The following RIMS1 variants were observed in gnomAD, a reference collection of about 807,000 sequenced individuals.
The protein encoded by RIMS1 is regulating synaptic membrane exocytosis protein 1.
In RIMS1, 83 loss-of-function variants were observed where a neutral mutation model predicts 214.1. That is an observed-to-expected ratio of 0.39 (90% CI 0.32 to 0.47). The LOEUF is 0.47. RIMS1 is among the 20% of genes least tolerant of loss of function. The pLI, the probability that RIMS1 is intolerant of heterozygous loss-of-function variation, is 0.99. For synonymous variants in RIMS1, 793 were observed against 786.8 expected (o/e 1.01, Z -0.13); for missense variants, 2,050 against 2,161.8 (o/e 0.95, Z 1.03).
chr6:71,898,291 A>G (rs1772479020), intron 1 of RIMS1, among the ~76,000 whole-genome samples: 1 of 152,208 alleles, frequency 6.6e-6, no homozygotes, highest in Non-Finnish European at 1.5e-5. Context: ...ATTTAGAATT[A>G]GATCAGTAGT....
intron 2 of RIMS1, among the ~76,000 whole-genome samples, chr6:71,997,950 A>G (rs1803972563): frequency 6.6e-6 from 1 of 152,142 alleles, no homozygotes; most frequent in Non-Finnish European, 1.5e-5. Context: ...ATAAAAATGT[A>G]TAAAAATTGA....
chr6:72,146,618 G>A (rs2042791625), intron 4 of RIMS1, among the ~76,000 whole-genome samples: 1 of 152,108 alleles, frequency 6.6e-6, no homozygotes, highest in African/African-American at 2.4e-5. Flanking sequence ...TTTGAATTTA[G>A]TCAATATGTT....
intron 4 of RIMS1, among the ~76,000 whole-genome samples, chr6:72,105,575 GACT>G (rs1451428733): frequency 6.6e-6 from 1 of 151,884 alleles, no homozygotes; most frequent in African/African-American, 2.4e-5. Context: ...ATTTTATTAT[GACT>G]ACATTAGGTT....
At chr6:72,175,148 C>T (rs1482898282) in intron 4 of RIMS1, among the ~76,000 whole-genome samples, 4 of 152,158 alleles carry the variant, frequency 2.6e-5, no homozygotes, top group Non-Finnish European at 5.9e-5. Flanking sequence ...AAATGAGCAA[C>T]TGTAATTGAC....
chr6:72,280,624 G>A (rs564238531), intron 23 of RIMS1, among the ~76,000 whole-genome samples: 1 of 152,006 alleles, frequency 6.6e-6, no homozygotes, highest in East Asian at 1.9e-4. Context: ...ATCTTTAATG[G>A]AGGTAAATTT....
intron 6 of RIMS1, 60 bp from the exon 7 acceptor site, chr6:72,233,713 A>C: frequency 1.6e-6 from 2 of 1,235,630 alleles, no homozygotes; most frequent in South Asian, 2.6e-5. Flanking sequence ...AGTAAAGCTT[A>C]AAGTGATACA....
At chr6:72,348,188 T>C (rs2097329622) in intron 29 of RIMS1, among the ~76,000 whole-genome samples, 1 of 151,966 alleles carries the variant, frequency 6.6e-6, no homozygotes, top group African/African-American at 2.4e-5. Context: ...TTTTTTAAGT[T>C]GTAACAAGTA....
intron 30 of RIMS1, among the ~76,000 whole-genome samples, chr6:72,391,061 C>G (rs1564816413): frequency 6.6e-6 from 1 of 152,168 alleles, no homozygotes; most frequent in Non-Finnish European, 1.5e-5. Flanking sequence ...ATATGGGAAA[C>G]TCATAGTCTG....
chr6:72,367,303 A>G (rs890909685), intron 29 of RIMS1, among the ~76,000 whole-genome samples: 3 of 152,330 alleles, frequency 2.0e-5, no homozygotes, highest in African/African-American at 4.8e-5. Context: ...TGTATACAAT[A>G]TAGCCCTTCT....
intron 4 of RIMS1, among the ~76,000 whole-genome samples, chr6:72,109,686 G>A (rs2035611348): frequency 6.6e-6 from 1 of 152,170 alleles, no homozygotes; most frequent in Non-Finnish European, 1.5e-5. Flanking sequence ...CTGTTGCTGT[G>A]CAGAAGCTCT....
chr6:72,338,595 T>C (rs1201163658), intron 29 of RIMS1, among the ~76,000 whole-genome samples: 1 of 151,952 alleles, frequency 6.6e-6, no homozygotes, highest in Non-Finnish European at 1.5e-5. Context: ...ATATCCAGCA[T>C]CTACAATGAA....
intron 4 of RIMS1, 60 bp from the exon 5 acceptor site, chr6:72,179,515 A>G: frequency 8.2e-7 from 1 of 1,218,154 alleles, no homozygotes; most frequent in Non-Finnish European, 1.2e-6. Context: ...ATTTTAAGAT[A>G]CTGAAAAATT....
At chr6:72,043,991 G>C (rs997957100) in intron 2 of RIMS1, among the ~76,000 whole-genome samples, 2 of 151,416 alleles carry the variant, frequency 1.3e-5, no homozygotes, top group African/African-American at 4.8e-5. Flanking sequence ...TCTTTTTAAT[G>C]ATGTAATTAA....
chr6:71,929,871 G>A (rs1490436396), intron 1 of RIMS1, among the ~76,000 whole-genome samples: 4 of 151,682 alleles, frequency 2.6e-5, no homozygotes, highest in African/African-American at 9.7e-5. Flanking sequence ...GGTGTGAAAT[G>A]TCTATTCCAA....
At chr6:71,977,521 A>G (rs1331164290) in intron 2 of RIMS1, among the ~76,000 whole-genome samples, 1 of 152,128 alleles carries the variant, frequency 6.6e-6, no homozygotes, top group African/African-American at 2.4e-5. Context: ...TAAACAACAA[A>G]CAAAAATAGA....
At chr6:71,948,759 C>T (rs1340319970) in intron 1 of RIMS1, among the ~76,000 whole-genome samples, 1 of 152,144 alleles carries the variant, frequency 6.6e-6, no homozygotes, top group African/African-American at 2.4e-5. Flanking sequence ...CACAGCTAAC[C>T]TAGAGGAGAA....
intron 2 of RIMS1, among the ~76,000 whole-genome samples, chr6:72,038,393 G>A (rs1215759221): frequency 6.6e-6 from 1 of 151,694 alleles, no homozygotes; most frequent in Non-Finnish European, 1.5e-5. Flanking sequence ...AAATCTTTGG[G>A]AAAACAGTTT....
At chr6:72,109,118 G>A (rs905646800) in intron 4 of RIMS1, among the ~76,000 whole-genome samples, 2 of 151,996 alleles carry the variant, frequency 1.3e-5, no homozygotes. Context: ...CATTTGGGTT[G>A]GTTCCAAGTC....
chr6:72,106,755 C>T (rs537827542), intron 4 of RIMS1, among the ~76,000 whole-genome samples: 6 of 152,034 alleles, frequency 3.9e-5, no homozygotes, highest in African/African-American at 1.4e-4. Flanking sequence ...TGATGGTTCC[C>T]CTAAAAAATA....
Sources: gnomAD v4.1 joint callset for allele counts (sites outside exome capture counted in the v4.1 genomes callset) on GRCh38, gnomAD v4.1.1 for gene constraint, MANE v1.5 for transcripts, NCBI Gene and HGNC (gene_info 2026-07-23, HGNC 2026-07-21) for gene names.